Variants in ZBTB40 observed in about 807,000 individuals in gnomAD.
ZBTB40 encodes the protein zinc finger and BTB domain-containing protein 40.
A neutral mutation model predicts 117.5 loss-of-function variants in ZBTB40; 60 were observed. The observed-to-expected ratio is 0.51, with a 90% CI of 0.41 to 0.63. The LOEUF is 0.63. Ranked by LOEUF, ZBTB40 falls within the 30% of genes least tolerant of loss-of-function variation. The pLI is 0.00. For missense variants in ZBTB40, 1,287 were observed against 1,498.5 expected, an observed-to-expected ratio of 0.86 and a Z score of 2.33; for synonymous variants, 525 against 577.1, an observed-to-expected ratio of 0.91 and a Z score of 1.29.
At chr1:22,509,834 C>T (rs1639183970) in intron 9 of ZBTB40, among the ~76,000 whole-genome samples, 1 of 152,194 alleles carries the variant, frequency 6.6e-6, no homozygotes, top group African/African-American at 2.4e-5. Flanking sequence ...GATTTGAACC[C>T]AGCTTCCTAT....
chr1:22,510,068 G>A (rs1330825791), intron 9 of ZBTB40, among the ~76,000 whole-genome samples: 1 of 152,242 alleles, frequency 6.6e-6, no homozygotes, highest in Non-Finnish European at 1.5e-5. Context: ...TTTTCTGTAA[G>A]CCTTCACACA....
intron 1 of ZBTB40, among the ~76,000 whole-genome samples, chr1:22,443,663 G>C (rs1225994369): frequency 6.6e-6 from 1 of 152,224 alleles, no homozygotes; most frequent in Non-Finnish European, 1.5e-5. Flanking sequence ...AAAAGACCTA[G>C]AAAGGGAAGG....
rs1255934777 is a variant in ZBTB40 at position 22,507,853 on chromosome 1, T to C, written c.1361-148T>C. On this transcript the variant is annotated intron_variant, in intron 6 of 17. Coordinates refer to ENST00000375647, the MANE Select transcript of ZBTB40 (RefSeq NM_014870.4). Reference sequence around the variant, plus strand: ...TGTAGGCAGAGGAGCTCTGAACATATGTGTATGAGGCCCCAAGCCAGGGCT... The same window carrying C: ...TGTAGGCAGAGGAGCTCTGAACATACGTGTATGAGGCCCCAAGCCAGGGCT... 5.4e-6 allele frequency: 6 copies of C among 1,105,690 alleles called. 1 individual carries two copies. Among genetic ancestry groups the C allele is most frequent in the Non-Finnish European group, 8.1e-6 (6 of 744,128 alleles). The allele number at this position is 1,105,690 out of a possible 1,614,324, so 68.5% of individuals were successfully genotyped here.
At chr1:22,510,864 A>C (rs550207299) in intron 9 of ZBTB40, among the ~76,000 whole-genome samples, 1 of 152,208 alleles carries the variant, frequency 6.6e-6, no homozygotes, top group African/African-American at 2.4e-5. Flanking sequence ...TAAGATCCAG[A>C]AAAGGTCTTT....
intron 1 of ZBTB40, among the ~76,000 whole-genome samples, chr1:22,488,171 C>T (rs969259897): frequency 2.6e-5 from 4 of 152,144 alleles, no homozygotes; most frequent in African/African-American, 7.2e-5. Flanking sequence ...CATTATGTTG[C>T]CTTTTAGTTA....
intron 12 of ZBTB40, among the ~76,000 whole-genome samples, chr1:22,516,506 C>T (rs989274265): frequency 6.6e-6 from 1 of 152,066 alleles, no homozygotes; most frequent in Non-Finnish European, 1.5e-5. Context: ...AGGACTAAGC[C>T]CCAGGCTCCT....
intron 3 of ZBTB40, among the ~76,000 whole-genome samples, chr1:22,500,537 A>G (rs1331854332): frequency 6.6e-6 from 1 of 152,288 alleles, no homozygotes; most frequent in East Asian, 1.9e-4. Flanking sequence ...AAGAAGAACC[A>G]GTGGGAAAGG....
chr1:22,453,755 T>A (rs1366099170), intron 1 of ZBTB40, among the ~76,000 whole-genome samples: 1 of 152,180 alleles, frequency 6.6e-6, no homozygotes, highest in Non-Finnish European at 1.5e-5. Flanking sequence ...GAAGCTAATC[T>A]GATCACACTG....
At chr1:22,451,184 C>T (rs143578116), upstream of ZBTB40, among the ~76,000 whole-genome samples, 713 of 152,360 alleles carry the variant, frequency 4.7e-3, 4 homozygotes, top group Middle Eastern at 0.01. Context: ...CACTGCGCCC[C>T]ACCAGCGCCA....
chr1:22,521,857 C>T (rs948207882), intron 15 of ZBTB40, among the ~76,000 whole-genome samples, 199 bp downstream of exon 15: 3 of 152,168 alleles, frequency 2.0e-5, no homozygotes, highest in South Asian at 2.1e-4. Flanking sequence ...AACCTGGAAG[C>T]GTAGCGCAGT....
At chr1:22,465,588 G>C (rs561085492) in intron 1 of ZBTB40, among the ~76,000 whole-genome samples, 2 of 152,208 alleles carry the variant, frequency 1.3e-5, no homozygotes, top group South Asian at 4.1e-4. Flanking sequence ...TCTGCCTGCT[G>C]TTGTTCATGG....
At chr1:22,444,168 T>C (rs973740171) in intron 1 of ZBTB40, among the ~76,000 whole-genome samples, 2 of 152,164 alleles carry the variant, frequency 1.3e-5, no homozygotes, top group African/African-American at 4.8e-5. Flanking sequence ...ATCCCAGCAC[T>C]TTGGGAGGCC....
At position 22,512,104 on chromosome 1, in the gene ZBTB40, C is replaced by T. The variant is rs777235080; in HGVS notation, c.2431C>T (p.Leu811Phe). ...KKKRLPVTCD[L>F]CGREFAHASG... ...GAAGAGGCTTCCAGTGACATGTGAC[C>T]TCTGTGGCAGAGAATTTGCCCATGC... The change falls in exon 11 of 18, where the codon CTC becomes TTC. Residue 811 changes from leucine to phenylalanine, a missense_variant. By Grantham distance (22) the Leu-to-Phe change is conservative. Around this residue, in one of 2 missense-constraint regions of ZBTB40, gnomAD observed 417 missense variants for 564.1 expected, o/e 0.74. Coordinates refer to ENST00000375647, the MANE Select transcript of ZBTB40 (RefSeq NM_014870.4). 13 of 1,613,488 alleles carry T rather than the reference C, an allele frequency of 8.1e-6. No individual in the cohort carries two copies. The East Asian group carries it at 2.7e-4, about 33-fold the overall frequency.
chr1:22,501,086 G>C (rs1030311377), intron 3 of ZBTB40, among the ~76,000 whole-genome samples: 4 of 152,206 alleles, frequency 2.6e-5, no homozygotes, highest in African/African-American at 9.6e-5. Context: ...CTGTGTGCCA[G>C]GCTATGCTAT....
At chr1:22,463,586 G>A (rs1641183584) in intron 1 of ZBTB40, among the ~76,000 whole-genome samples, 1 of 152,184 alleles carries the variant, frequency 6.6e-6, no homozygotes, top group Admixed American at 6.5e-5. Context: ...GTATAATGTG[G>A]TCACAATCCC....
chr1:22,521,764 G>T, intron 15 of ZBTB40, 106 bp downstream of exon 15: 1 of 1,519,846 alleles, frequency 6.6e-7, no homozygotes, highest in South Asian at 1.1e-5. Flanking sequence ...GATGTGCAGT[G>T]GTCATTGCCT....
intron 1 of ZBTB40, among the ~76,000 whole-genome samples, chr1:22,462,291 C>T (rs530002142): frequency 1.8e-4 from 27 of 152,318 alleles, no homozygotes; most frequent in Non-Finnish European, 3.4e-4. Flanking sequence ...GACTCTACCA[C>T]TCACTGGCTT....
chr1:22,500,154 A>C (rs1348683271), intron 3 of ZBTB40, among the ~76,000 whole-genome samples: 1 of 152,258 alleles, frequency 6.6e-6, no homozygotes, highest in African/African-American at 2.4e-5. Flanking sequence ...AGAAATGTGA[A>C]CCTTACCTTC....
chr1:22,471,314 A>C (rs1398530579), intron 1 of ZBTB40, among the ~76,000 whole-genome samples: 1 of 152,262 alleles, frequency 6.6e-6, no homozygotes, highest in Non-Finnish European at 1.5e-5. Context: ...GCCACCCAGC[A>C]GTCCATCTCT....
Sources: gnomAD v4.1 joint callset for allele counts (sites outside exome capture counted in the v4.1 genomes callset) on GRCh38, gnomAD v4.1.1 for gene constraint, gnomAD v4.1.1 regional missense constraint, MANE v1.5 for transcripts, NCBI Gene and HGNC (gene_info 2026-07-23, HGNC 2026-07-21) for gene names.